Variants in PIK3AP1 observed in about 807,000 individuals in gnomAD.
PIK3AP1 encodes the protein phosphoinositide-3-kinase adaptor protein 1, also known as phosphoinositide 3-kinase adapter protein 1.
A neutral mutation model predicts 88.1 loss-of-function variants in PIK3AP1; 21 were observed. That is an observed-to-expected ratio of 0.24 (90% CI 0.17 to 0.34). The LOEUF (loss-of-function observed/expected upper bound fraction) is 0.34, where lower values mean the gene tolerates loss of function less well. Among genes scored for constraint, PIK3AP1 ranks in the 10% least tolerant of loss-of-function variants. The pLI is 1.00. For missense variants in PIK3AP1, 828 were observed against 1,035.7 expected (o/e 0.80, Z 2.75); for synonymous variants, 398 against 400.0 (o/e 1.00, Z 0.06).
chr10:96,706,180 A>G (rs1030146071), intron 2 of PIK3AP1, among the ~76,000 whole-genome samples: 1 of 152,074 alleles, frequency 6.6e-6, no homozygotes, highest in Non-Finnish European at 1.5e-5. Context: ...GGCGTGAGCC[A>G]CCGCTCCCGG....
intron 11 of PIK3AP1, among the ~76,000 whole-genome samples, chr10:96,622,691 G>A (rs1843101548): frequency 6.6e-6 from 1 of 152,160 alleles, no homozygotes; most frequent in Admixed American, 6.5e-5. Context: ...AGAGCCCTTT[G>A]GGGGATGCCT....
intron 2 of PIK3AP1, among the ~76,000 whole-genome samples, chr10:96,676,954 T>C (rs1482412550): frequency 6.6e-6 from 1 of 151,984 alleles, no homozygotes; most frequent in Non-Finnish European, 1.5e-5. Flanking sequence ...GGCCTTTCCA[T>C]CTGAGGAAAG....
At chr10:96,606,999 T>C (rs1394896153) in intron 14 of PIK3AP1, among the ~76,000 whole-genome samples, 1 of 152,258 alleles carries the variant, frequency 6.6e-6, no homozygotes, top group Non-Finnish European at 1.5e-5. Context: ...CCTTTCTGTT[T>C]TGAAATTTTT....
At chr10:96,620,961 G>T in intron 11 of PIK3AP1, 1 of 180,186 alleles carries the variant, frequency 5.5e-6, no homozygotes, top group South Asian at 1.2e-4. Flanking sequence ...TTCCTGGTAG[G>T]GAAACTTGGT....
intron 2 of PIK3AP1, among the ~76,000 whole-genome samples, chr10:96,689,760 T>G (rs181505172): frequency 4.6e-5 from 7 of 152,198 alleles, no homozygotes; most frequent in Non-Finnish European, 1.0e-4. Context: ...ACTCACCCAC[T>G]GAGTTCTCCG....
chr10:96,607,652 C>T (rs1280805011), intron 14 of PIK3AP1, among the ~76,000 whole-genome samples: 2 of 152,184 alleles, frequency 1.3e-5, no homozygotes, highest in Non-Finnish European at 2.9e-5. Flanking sequence ...TGGAGCTTTT[C>T]CTTTTGGCCT....
intron 1 of PIK3AP1, among the ~76,000 whole-genome samples, chr10:96,719,431 G>A (rs577461216): frequency 6.6e-6 from 1 of 152,170 alleles, no homozygotes; most frequent in East Asian, 1.9e-4. Flanking sequence ...AAGTGGGCTG[G>A]GAAAATACAA....
intron 2 of PIK3AP1, among the ~76,000 whole-genome samples, chr10:96,661,715 A>G (rs542475879): frequency 2.2e-4 from 34 of 152,026 alleles, no homozygotes; most frequent in Admixed American, 2.2e-3. Context: ...GAGTCCAGGA[A>G]GTGGAGGTTG....
chr10:96,641,864 T>C (rs1843393601), intron 8 of PIK3AP1, among the ~76,000 whole-genome samples: 1 of 152,206 alleles, frequency 6.6e-6, no homozygotes, highest in South Asian at 2.1e-4. Context: ...TGTTCCAAGT[T>C]ATTATTCTGC....
chr10:96,612,982 ATTTTTTTTTTTTT>A (rs3979626), intron 13 of PIK3AP1, among the ~76,000 whole-genome samples: 5 of 34,792 alleles, frequency 1.4e-4, no homozygotes, highest in East Asian at 1.5e-3. Flanking sequence ...ATATATATAT[ATTTTTTTTTTTTT>A]TTTTTTTTTT....
At chr10:96,617,877 C>T (rs1843017477) in intron 12 of PIK3AP1, among the ~76,000 whole-genome samples, 1 of 152,060 alleles carries the variant, frequency 6.6e-6, no homozygotes, top group South Asian at 2.1e-4. Flanking sequence ...CTCAGGGGGA[C>T]AAAGCCAACT....
intron 16 of PIK3AP1, among the ~76,000 whole-genome samples, chr10:96,599,181 C>G (rs1460131700): frequency 6.6e-6 from 1 of 152,004 alleles, no homozygotes; most frequent in Non-Finnish European, 1.5e-5. Flanking sequence ...GATATGAGAG[C>G]TGTGAGGGGG....
chr10:96,597,307 C>G (rs553905122), intron 16 of PIK3AP1, among the ~76,000 whole-genome samples: 13 of 129,580 alleles, frequency 1.0e-4, no homozygotes, highest in South Asian at 2.8e-4. Context: ...TCCTTCCTTC[C>G]TTCCTTCCTT....
At chr10:96,616,003 G>T (rs1849209373) in intron 13 of PIK3AP1, among the ~76,000 whole-genome samples, 1 of 152,192 alleles carries the variant, frequency 6.6e-6, no homozygotes, top group African/African-American at 2.4e-5. Context: ...AATCACAGAG[G>T]CCCACTATGC....
At chr10:96,617,007 A>G (rs1377195177) in intron 12 of PIK3AP1, among the ~76,000 whole-genome samples, 1 of 152,090 alleles carries the variant, frequency 6.6e-6, no homozygotes, top group African/African-American at 2.4e-5. Context: ...CCAGCTCACA[A>G]ATACTCCACA....
chr10:96,599,883 A>G (rs1848855013), intron 16 of PIK3AP1, among the ~76,000 whole-genome samples: 2 of 152,104 alleles, frequency 1.3e-5, no homozygotes, highest in Admixed American at 1.3e-4. Context: ...CAGACTCCCC[A>G]AACAACTCAA....
chr10:96,647,056 A>G (rs1035930581), intron 7 of PIK3AP1, among the ~76,000 whole-genome samples: 7 of 152,212 alleles, frequency 4.6e-5, no homozygotes, highest in African/African-American at 7.2e-5. Context: ...AGGAAATGGG[A>G]CAGTTCTAAG....
intron 2 of PIK3AP1, among the ~76,000 whole-genome samples, chr10:96,699,888 G>C (rs1844272504): frequency 6.6e-6 from 1 of 152,168 alleles, no homozygotes; most frequent in South Asian, 2.1e-4. Flanking sequence ...GTCGATAAAA[G>C]GGTTTTGAAA....
At chr10:96,607,630 G>A (rs1291753506) in intron 14 of PIK3AP1, among the ~76,000 whole-genome samples, 1 of 152,140 alleles carries the variant, frequency 6.6e-6, no homozygotes, top group Non-Finnish European at 1.5e-5. Context: ...AGCTTGACAG[G>A]CACTAGCAAA....
Sources: gnomAD v4.1 joint callset for allele counts (sites outside exome capture counted in the v4.1 genomes callset) on GRCh38, gnomAD v4.1.1 for gene constraint, MANE v1.5 for transcripts, NCBI Gene and HGNC (gene_info 2026-07-23, HGNC 2026-07-21) for gene names.